Variants in GOLT1B observed in about 807,000 individuals in gnomAD.
GOLT1B encodes the protein golgi transport 1B.
In GOLT1B, 3 loss-of-function variants were observed where a neutral mutation model predicts 15.4. The ratio of observed to expected loss-of-function variants is 0.19; its 90% CI spans 0.09 to 0.50. GOLT1B has a LOEUF of 0.50. GOLT1B is among the 20% of genes least tolerant of loss of function. The probability of loss-of-function intolerance (pLI) is 0.97; values close to 1 mark genes in which losing one functional copy is unlikely to be tolerated. For synonymous variants in GOLT1B, 65 were observed against 56.2 expected, an observed-to-expected ratio of 1.16 and a Z score of -0.70; for missense variants, 145 against 160.4, an observed-to-expected ratio of 0.90 and a Z score of 0.52.
At chr12:21,510,534 G>C (rs1178038274) in intron 3 of GOLT1B, among the ~76,000 whole-genome samples, 1 of 152,102 alleles carries the variant, frequency 6.6e-6, no homozygotes, top group East Asian at 1.9e-4. Context: ...TTGTTGTTGG[G>C]TTTTGTTGTG....
At chr12:21,506,210 A>C (rs1423028010) in intron 1 of GOLT1B, among the ~76,000 whole-genome samples, 1 of 152,138 alleles carries the variant, frequency 6.6e-6, no homozygotes, top group Non-Finnish European at 1.5e-5. Context: ...TTAGGACTCT[A>C]GACCAAATAT....
rs1943627803 is a variant in GOLT1B, at chr12:21,501,847, G to C, written c.-77G>C. Reference sequence around the variant, plus strand: ...GCGGCTCTCGCCTGGGCTGTTTCCCGGCTTCATTTCTCCCGACTCAGCTTC... The same window carrying C: ...GCGGCTCTCGCCTGGGCTGTTTCCCCGCTTCATTTCTCCCGACTCAGCTTC... On this transcript the variant is annotated 5_prime_UTR_variant, in exon 1 of 5. Transcript: ENST00000229314. 1.9e-6 allele frequency: 2 copies of C among 1,025,934 alleles called. No individual in the cohort carries two copies. Among genetic ancestry groups the C allele is most frequent in the Admixed American group, 1.8e-5 (1 of 54,072 alleles). 63.6% of individuals were successfully genotyped at this position (1,025,934 alleles called of 1,614,324 possible).
intron 1 of GOLT1B, chr12:21,504,697 C>G: frequency 2.2e-6 from 1 of 454,312 alleles, no homozygotes; most frequent in East Asian, 6.9e-5. Flanking sequence ...ACCATAGGAC[C>G]AGTGCTACCT....
At chr12:21,509,396 CAAAAAAAAAAAAAA>C (rs71053318) in intron 3 of GOLT1B, among the ~76,000 whole-genome samples, 2 of 74,042 alleles carry the variant, frequency 2.7e-5, no homozygotes, top group African/African-American at 1.1e-4. Flanking sequence ...GACTCTGTCT[CAAAAAAAAAAAAAA>C]AAAAAAAAAA....
chr12:21,510,694 C>T (rs1205758759), intron 3 of GOLT1B, among the ~76,000 whole-genome samples: 1 of 152,110 alleles, frequency 6.6e-6, no homozygotes, highest in Non-Finnish European at 1.5e-5. Context: ...CTTTTGAATT[C>T]ATTACTACTA....
chr12:21,511,638 T>C (rs1023395806), intron 3 of GOLT1B, among the ~76,000 whole-genome samples: 1 of 152,184 alleles, frequency 6.6e-6, no homozygotes, highest in Non-Finnish European at 1.5e-5. Context: ...AGACATCACC[T>C]TGTAGAGACT....
At chr12:21,514,045 C>T (rs1163331605) in intron 4 of GOLT1B, among the ~76,000 whole-genome samples, 1 of 152,208 alleles carries the variant, frequency 6.6e-6, no homozygotes, top group Admixed American at 6.5e-5. Flanking sequence ...TCTTAGCCTA[C>T]CTCCTCAGTT....
chr12:21,511,885 C>A (rs182953835), intron 3 of GOLT1B, among the ~76,000 whole-genome samples: 1 of 152,324 alleles, frequency 6.6e-6, no homozygotes. Context: ...AAGAATGAGA[C>A]ATACTGTGAG....
intron 3 of GOLT1B, among the ~76,000 whole-genome samples, chr12:21,509,120 C>T (rs1943700756): frequency 6.6e-6 from 1 of 151,896 alleles, no homozygotes; most frequent in South Asian, 2.1e-4. Flanking sequence ...TACCTTTGGC[C>T]AGGTGCGGTG....
chr12:21,507,269 AT>A, intron 2 of GOLT1B: 1 of 273,900 alleles, frequency 3.7e-6, no homozygotes, highest in Admixed American at 5.1e-5. Context: ...AGATGACTTG[AT>A]AGTTTCATGT....
In GOLT1B at chr12:21,508,481, G is replaced by A; in HGVS notation, c.216G>A (p.Leu72=). The A allele has an allele frequency of 6.3e-7, 1 of 1,587,406 alleles. No individual in the cohort carries two copies. The highest frequency in any genetic ancestry group is 8.6e-7 in the Non-Finnish European group (1 of 1,157,808). The change falls in exon 3 of 5, where the codon CTG becomes CTA. Residue 72 remains leucine, a synonymous_variant. Coordinates refer to ENST00000229314, the MANE Select transcript of GOLT1B (RefSeq NM_016072.5). ...KHKMKATGFF[L]GGVFVVLIGW... ...AAATGAAAGCTACAGGTTTTTTTCT[G>A]GGTGGTGTATTTGTAGTCCTTATTG...
In GOLT1B at chr12:21,508,464, G is replaced by A; in HGVS notation, c.199G>A (p.Ala67Thr). 1 of 1,591,620 alleles carries A rather than the reference G, an allele frequency of 6.3e-7. No individual in the cohort carries two copies. The highest frequency in any genetic ancestry group is 8.6e-7 in the Non-Finnish European group (1 of 1,160,720). Residue 67 changes from alanine to threonine, a missense_variant, in exon 3 of 5, where the codon GCT becomes ACT. Physicochemically the swap from Ala to Thr is moderately conservative, Grantham distance 58. Coordinates refer to ENST00000229314, the MANE Select transcript of GOLT1B (RefSeq NM_016072.5). The part of the protein sequence containing the change: ...RFFFQKHKMK[A>T]TGFFLGGVFV... ...CTTCTTCCAAAAACATAAAATGAAA[G>A]CTACAGGTTTTTTTCTGGGTGGTGT...
chr12:21,504,330 G>A (rs935838052), intron 1 of GOLT1B, among the ~76,000 whole-genome samples: 6 of 152,178 alleles, frequency 3.9e-5, no homozygotes, highest in African/African-American at 1.4e-4. Flanking sequence ...AATGCATACG[G>A]ATAGGGAAAA....
chr12:21,516,321 A>G lies in GOLT1B; in HGVS notation c.*614A>G, dbSNP rs935316906. The G allele has an allele frequency of 6.6e-6, 1 of 152,078 alleles. No homozygotes were observed. The highest frequency in any genetic ancestry group is 2.4e-5 in the African/African-American group (1 of 41,414). The allele number at this position is 152,078 out of a possible 1,614,324, so 9.4% of individuals were successfully genotyped here. The stretch of plus-strand genomic sequence containing the variant: ...ATCTGAACTAGATATTCTTTGTTGG[A>G]ATATGCAAAGGTCATTCTTTACTAA... On this transcript the variant is annotated 3_prime_UTR_variant, in exon 5 of 5. Transcript: ENST00000229314.
chr12:21,502,089 C>A (rs1943633178), intron 1 of GOLT1B, 141 bp downstream of exon 1: 2 of 694,124 alleles, frequency 2.9e-6, no homozygotes, highest in Non-Finnish European at 5.3e-6. Context: ...CTGCTGGGAC[C>A]CTAAGGGGCT....
At chr12:21,504,165 C>T (rs999518746) in intron 1 of GOLT1B, among the ~76,000 whole-genome samples, 6 of 152,136 alleles carry the variant, frequency 3.9e-5, no homozygotes, top group Non-Finnish European at 7.3e-5. Flanking sequence ...TAGACAGATT[C>T]GTTTTATTAA....
chr12:21,513,533 A>C (rs1020835210), intron 4 of GOLT1B, among the ~76,000 whole-genome samples: 19 of 151,950 alleles, frequency 1.3e-4, no homozygotes, highest in African/African-American at 4.3e-4. Context: ...AGAGAGTCTC[A>C]AACTCTTGGG....
At chr12:21,507,843 G>A (rs1214193069) in intron 2 of GOLT1B, 2 of 396,082 alleles carry the variant, frequency 5.0e-6, no homozygotes, top group East Asian at 8.3e-5. Flanking sequence ...TATTTCTGCT[G>A]CCACCAGATA....
intron 4 of GOLT1B, 118 bp downstream of exon 4, chr12:21,512,494 C>T: frequency 7.6e-6 from 5 of 656,806 alleles, no homozygotes; most frequent in East Asian, 2.6e-5. Context: ...GATATAGTTA[C>T]TTCACATAGA....
Sources: allele counts gnomAD v4.1 joint callset (sites outside exome capture counted in the v4.1 genomes callset), GRCh38; gene constraint gnomAD v4.1.1; transcripts MANE v1.5; gene names NCBI Gene and HGNC (gene_info 2026-07-23, HGNC 2026-07-21).